The following ASTN2 variants were observed in gnomAD, a reference collection of about 807,000 sequenced individuals.
ASTN2 encodes the protein astrotactin 2.
A neutral mutation model predicts 139.8 loss-of-function variants in ASTN2; 54 were observed. That is an observed-to-expected ratio of 0.39 (90% CI 0.31 to 0.48). ASTN2 has a LOEUF of 0.48. Among genes scored for constraint, ASTN2 ranks in the 20% least tolerant of loss-of-function variants. The pLI is 0.95. For missense variants in ASTN2, 1,565 were observed against 1,725.1 expected (o/e 0.91, Z 1.64); for synonymous variants, 756 against 719.5 (o/e 1.05, Z -0.81).
intron 3 of ASTN2, chr9:117,180,605 C>G (rs1831035875): frequency 1.7e-6 from 2 of 1,184,144 alleles, no homozygotes; most frequent in African/African-American, 1.6e-5. Flanking sequence ...GAGCACCATT[C>G]TAAACAACTG....
chr9:117,122,771 C>T (rs1451153680), intron 4 of ASTN2, among the ~76,000 whole-genome samples: 1 of 152,070 alleles, frequency 6.6e-6, no homozygotes, highest in Non-Finnish European at 1.5e-5. Flanking sequence ...GAGGAGGAGG[C>T]AAACAGAGAC....
intron 4 of ASTN2, among the ~76,000 whole-genome samples, chr9:117,117,592 A>G (rs1038059876): frequency 6.6e-6 from 1 of 152,180 alleles, no homozygotes; most frequent in Non-Finnish European, 1.5e-5. Context: ...AGTGTTGGCT[A>G]GAAGGAATAA....
intron 19 of ASTN2, chr9:116,584,474 G>A (rs1468236295): frequency 6.6e-6 from 1 of 152,078 alleles, no homozygotes. Flanking sequence ...AATAGACTCA[G>A]AAAATTCAAC....
intron 3 of ASTN2, among the ~76,000 whole-genome samples, chr9:117,183,526 T>G (rs897420686): frequency 6.6e-6 from 1 of 152,216 alleles, no homozygotes; most frequent in African/African-American, 2.4e-5. Flanking sequence ...GTCTCCATTT[T>G]AGAAACGAGG....
chr9:116,498,808 A>G (rs1849758329), intron 19 of ASTN2, among the ~76,000 whole-genome samples: 1 of 152,230 alleles, frequency 6.6e-6, no homozygotes, highest in Non-Finnish European at 1.5e-5. Flanking sequence ...AGGACATAGC[A>G]GGGCACAAAA....
At chr9:117,005,080 A>AGTTT in intron 7 of ASTN2, among the ~76,000 whole-genome samples, 5 of 74,672 alleles carry the variant, frequency 6.7e-5, no homozygotes, top group East Asian at 4.8e-4. Flanking sequence ...CCTGTAGTCG[A>AGTTT]TTTTTTTTTT....
At chr9:117,200,304 G>A (rs1252674804) in intron 3 of ASTN2, among the ~76,000 whole-genome samples, 1 of 148,900 alleles carries the variant, frequency 6.7e-6, no homozygotes, top group Non-Finnish European at 1.5e-5. Context: ...TATGTCATCT[G>A]CAAACAGAGA....
intron 1 of ASTN2, among the ~76,000 whole-genome samples, chr9:117,383,204 A>C (rs1209005258): frequency 6.6e-6 from 1 of 152,162 alleles, no homozygotes; most frequent in Non-Finnish European, 1.5e-5. Flanking sequence ...TGTAAACACC[A>C]TTCTTTGCTC....
At chr9:117,235,492 T>C (rs1365674104) in intron 2 of ASTN2, among the ~76,000 whole-genome samples, 3 of 152,192 alleles carry the variant, frequency 2.0e-5, no homozygotes, top group African/African-American at 7.2e-5. Flanking sequence ...CAGAAAATCA[T>C]CCTGCTCTCC....
At chr9:117,178,526 A>G (rs186453729) in intron 3 of ASTN2, among the ~76,000 whole-genome samples, 2 of 152,344 alleles carry the variant, frequency 1.3e-5, no homozygotes, top group Admixed American at 1.3e-4. Flanking sequence ...GACAAAAATC[A>G]GCAGCAAATT....
chr9:116,462,524 AG>A (rs1848518486), intron 20 of ASTN2, among the ~76,000 whole-genome samples: 1 of 152,166 alleles, frequency 6.6e-6, no homozygotes, highest in Non-Finnish European at 1.5e-5. Flanking sequence ...TTGCCTTACA[AG>A]GGGCAGGTGT....
intron 10 of ASTN2, among the ~76,000 whole-genome samples, chr9:116,883,741 A>G (rs1833516808): frequency 6.6e-6 from 1 of 152,230 alleles, no homozygotes; most frequent in African/African-American, 2.4e-5. Flanking sequence ...CCATGAAGGT[A>G]GGCCTACTTG....
At chr9:117,410,521 T>G (rs1831130942) in intron 1 of ASTN2, among the ~76,000 whole-genome samples, 1 of 152,218 alleles carries the variant, frequency 6.6e-6, no homozygotes, top group Non-Finnish European at 1.5e-5. Context: ...TTAGAGCTCA[T>G]CTACCCACTC....
chr9:116,733,409 T>C lies in ASTN2; in HGVS notation c.2511A>G (p.Gln837=), dbSNP rs760335925. The C allele has an allele frequency of 7.4e-6, 12 of 1,614,002 alleles. No homozygotes were observed. The highest frequency in any genetic ancestry group is 3.3e-5 in the South Asian group (3 of 91,074). The change falls in exon 14 of 23, where the codon CAA becomes CAG. Residue 837 remains glutamine (Q), a synonymous_variant. Transcript: ENST00000313400. ...GVLSEPLPDL[Q]LLTGDIRYDE... ...GCACATGTGTCTTACCAGTGAGCAGTTGGAGGTCTGGAAGGGGCTCGGAGA... is the reference window on the plus strand; with the variant it reads ...GCACATGTGTCTTACCAGTGAGCAGCTGGAGGTCTGGAAGGGGCTCGGAGA...
At chr9:116,436,901 C>G (rs912566654) in intron 22 of ASTN2, among the ~76,000 whole-genome samples, 1 of 151,848 alleles carries the variant, frequency 6.6e-6, no homozygotes, top group Non-Finnish European at 1.5e-5. Context: ...GAGTTCATGT[C>G]CTTTGTAGGG....
At chr9:117,144,985 T>C (rs539649066) in intron 3 of ASTN2, among the ~76,000 whole-genome samples, 2 of 151,976 alleles carry the variant, frequency 1.3e-5, no homozygotes, top group East Asian at 3.9e-4. Flanking sequence ...GCCTGGCTCT[T>C]TTTTTTTAAA....
At chr9:116,896,810 C>T (rs537385916) in intron 10 of ASTN2, among the ~76,000 whole-genome samples, 5 of 152,250 alleles carry the variant, frequency 3.3e-5, no homozygotes, top group South Asian at 4.1e-4. Flanking sequence ...CACTCATTTA[C>T]CATCATGAGA....
intron 4 of ASTN2, among the ~76,000 whole-genome samples, chr9:117,101,342 G>A (rs191235611): frequency 8.1e-4 from 124 of 152,310 alleles, no homozygotes; most frequent in African/African-American, 3.0e-3. Flanking sequence ...TATAAAATTG[G>A]TGATTTAGTG....
In ASTN2 at chr9:116,511,788, C is replaced by A. The variant is rs145413681; in HGVS notation, c.3356-24288G>T. ...TCTTCTAGATTTTCTAGTTTATTTG[C>A]GTAGAGGTGTTTATAGTATTCTCTG... On this transcript the variant is annotated intron_variant, in intron 19 of 22. Transcript: ENST00000313400. Among the ~76,000 whole-genome samples the A allele has an allele frequency of 3.5e-3, 536 of 152,134 alleles. 3 individuals are homozygous for A. The highest frequency in any genetic ancestry group is 0.012 in the African/African-American group (513 of 41,540).
Sources: gnomAD v4.1 joint callset for allele counts (sites outside exome capture counted in the v4.1 genomes callset) on GRCh38, gnomAD v4.1.1 for gene constraint, MANE v1.5 for transcripts, NCBI Gene and HGNC (gene_info 2026-07-23, HGNC 2026-07-21) for gene names.